ERC1: variants seen among roughly 807,000 people sequenced by gnomAD.
The protein encoded by ERC1 is ELKS/RAB6-interacting/CAST family member 1.
Under a neutral mutation model 132.0 loss-of-function variants are expected in ERC1, and 56 were observed. The observed-to-expected ratio is 0.42, with a 90% confidence interval of 0.34 to 0.53. The LOEUF (loss-of-function observed/expected upper bound fraction) is 0.53. ERC1 is among the 20% of genes least tolerant of loss of function. ERC1 has a pLI of 0.03. For missense variants in ERC1, 1,202 were observed against 1,349.9 expected (o/e 0.89, Z 1.72); for synonymous variants, 478 against 476.1 (o/e 1.00, Z -0.05).
chr12:1,174,457 A>G (rs906161586), intron 8 of ERC1, among the ~76,000 whole-genome samples: 1 of 152,242 alleles, frequency 6.6e-6, no homozygotes, highest in African/African-American at 2.4e-5. Flanking sequence ...CTTGCCAAGA[A>G]CTTGCTGACG....
chr12:1,459,519 T>C (rs2093605786), intron 18 of ERC1, among the ~76,000 whole-genome samples: 1 of 152,182 alleles, frequency 6.6e-6, no homozygotes, highest in South Asian at 2.1e-4. Flanking sequence ...AAAGGAAAAC[T>C]CCACCCTGTG....
At chr12:1,049,126 TG>T (rs1335368743) in intron 2 of ERC1, among the ~76,000 whole-genome samples, 4 of 152,212 alleles carry the variant, frequency 2.6e-5, no homozygotes, top group Non-Finnish European at 2.9e-5. Context: ...GTAAGCAAAT[TG>T]TTTTTTTATG....
intron 15 of ERC1, among the ~76,000 whole-genome samples, chr12:1,359,884 A>G (rs956067925): frequency 6.6e-6 from 1 of 152,218 alleles, no homozygotes; most frequent in African/African-American, 2.4e-5. Flanking sequence ...GTCTTCTAAC[A>G]TGGAGAATAT....
At chr12:1,166,117 G>A (rs1467512536) in intron 8 of ERC1, among the ~76,000 whole-genome samples, 4 of 152,168 alleles carry the variant, frequency 2.6e-5, no homozygotes, top group South Asian at 2.1e-4. Flanking sequence ...GGGCTGGGTC[G>A]AAATGATGTG....
At chr12:1,241,536 A>C (rs11835033) in intron 13 of ERC1, among the ~76,000 whole-genome samples, 64,819 of 151,842 alleles carry the variant, frequency 0.43, 15,521 homozygotes, top group African/African-American at 0.65. Flanking sequence ...TTCACTTAAT[A>C]TCCATTTGCA....
At chr12:1,156,924 G>C (rs1474096125) in intron 8 of ERC1, among the ~76,000 whole-genome samples, 1 of 151,354 alleles carries the variant, frequency 6.6e-6, no homozygotes, top group South Asian at 2.1e-4. Flanking sequence ...TAAATACATT[G>C]GTCTATTTCC....
At chr12:1,121,677 A>ATCTCTATCTCTATCTATC (rs56044523) in intron 7 of ERC1, among the ~76,000 whole-genome samples, 1 of 8,166 alleles carries the variant, frequency 1.2e-4, no homozygotes, top group African/African-American at 2.2e-4. Flanking sequence ...CTCTATCTCT[A>ATCTCTATCTCTATCTATC]TCTATCTCTA....
At chr12:1,218,833 TACACACACACAC>T (rs60378521) in intron 12 of ERC1, among the ~76,000 whole-genome samples, 1 of 148,490 alleles carries the variant, frequency 6.7e-6, no homozygotes, top group Non-Finnish European at 1.5e-5. Flanking sequence ...TATATATATA[TACACACACACAC>T]ACACACACAC....
At chr12:1,036,797 C>T (rs1042809847) in intron 2 of ERC1, among the ~76,000 whole-genome samples, 1 of 152,132 alleles carries the variant, frequency 6.6e-6, no homozygotes, top group Admixed American at 6.5e-5. Flanking sequence ...TCTGTTTTAA[C>T]AAGGAGATGT....
intron 12 of ERC1, among the ~76,000 whole-genome samples, chr12:1,222,818 G>A (rs117085609): frequency 0.014 from 2,064 of 152,248 alleles, 29 homozygotes; most frequent in Non-Finnish European, 0.02. Context: ...TAGAATTGTA[G>A]CCTCTGGCAA....
At chr12:1,235,063 C>T (rs373031324) in intron 12 of ERC1, among the ~76,000 whole-genome samples, 3 of 152,288 alleles carry the variant, frequency 2.0e-5, no homozygotes, top group African/African-American at 2.4e-5. Context: ...AAGATTGATA[C>T]ATTTGAAACA....
intron 15 of ERC1, among the ~76,000 whole-genome samples, chr12:1,296,211 C>T (rs1286431247): frequency 6.6e-6 from 1 of 151,698 alleles, no homozygotes; most frequent in Non-Finnish European, 1.5e-5. Context: ...ACCTATAGTC[C>T]CAACTACTTG....
intron 6 of ERC1, among the ~76,000 whole-genome samples, chr12:1,112,790 A>G (rs960374016): frequency 6.6e-6 from 1 of 152,210 alleles, no homozygotes; most frequent in Non-Finnish European, 1.5e-5. Context: ...GGACAGATGT[A>G]TAGAAAGTAT....
At chr12:1,440,438 C>A (rs1333306761) in intron 17 of ERC1, among the ~76,000 whole-genome samples, 1 of 150,452 alleles carries the variant, frequency 6.6e-6, no homozygotes, top group South Asian at 2.1e-4. Flanking sequence ...GATCTCCTGA[C>A]CTCGTGATCT....
chr12:1,440,292 C>T (rs1445062253), intron 17 of ERC1, among the ~76,000 whole-genome samples: 2 of 147,456 alleles, frequency 1.4e-5, no homozygotes, highest in Non-Finnish European at 3.0e-5. Context: ...GCAAGCTCCG[C>T]CTCCTGGGTT....
In ERC1 at chr12:1,084,782, C is replaced by G. The variant is rs148972926; in HGVS notation, c.1086+1202C>G. On this transcript the variant is annotated intron_variant, in intron 3 of 18. Coordinates refer to ENST00000360905, the MANE Select transcript of ERC1 (RefSeq NM_178040.4). ...TCATGGCTCACTGCAGCCTTGAAAT[C>G]CTGGGCTTAGGTGAGCCTTCTGCCT... Among the ~76,000 whole-genome samples the G allele has an allele frequency of 2.0e-5, 3 of 152,014 alleles. No homozygotes were observed. The East Asian group carries it at 5.8e-4, about 29-fold the overall frequency.
intron 1 of ERC1, among the ~76,000 whole-genome samples, chr12:1,026,257 C>T (rs1179614313): frequency 6.6e-6 from 1 of 152,148 alleles, no homozygotes; most frequent in Admixed American, 6.6e-5. Flanking sequence ...CCATGAGACG[C>T]ACTCACTACC....
intron 15 of ERC1, 30 bp downstream of exon 15, chr12:1,290,042 A>G: frequency 6.3e-7 from 1 of 1,596,306 alleles, no homozygotes; most frequent in Non-Finnish European, 8.6e-7. Context: ...TTCTTCAAGC[A>G]TATGCTTAGT....
intron 17 of ERC1, among the ~76,000 whole-genome samples, chr12:1,432,194 AC>A (rs1427237887): frequency 6.6e-6 from 1 of 152,232 alleles, no homozygotes; most frequent in Non-Finnish European, 1.5e-5. Flanking sequence ...TCCTGCCAAA[AC>A]AATCCACCTC....
Sources: gnomAD v4.1 joint callset for allele counts (sites outside exome capture counted in the v4.1 genomes callset) on GRCh38, gnomAD v4.1.1 for gene constraint, MANE v1.5 for transcripts, NCBI Gene and HGNC (gene_info 2026-07-23, HGNC 2026-07-21) for gene names.